COMT: variants seen among roughly 807,000 people sequenced by gnomAD.
The protein encoded by COMT is catechol-O-methyltransferase, also known as catechol O-methyltransferase.
Under a neutral mutation model 18.9 loss-of-function variants are expected in COMT, and 13 were observed. The ratio of observed to expected loss-of-function variants is 0.69; its 90% CI spans 0.45 to 1.09. COMT has a LOEUF of 1.09. Ranked by LOEUF, COMT falls within the 50% of genes least tolerant of loss-of-function variation. The pLI is 0.00. For synonymous variants in COMT, 150 were observed against 160.9 expected (o/e 0.93, Z 0.51); for missense variants, 329 against 361.8 (o/e 0.91, Z 0.73).
rs1942589502 is a variant in COMT, at chr22:19,968,916, T to C, written c.*180T>C. On this transcript the variant is annotated 3_prime_UTR_variant, in exon 6 of 6. Transcript: ENST00000361682. ...ACTGCAACACTGGATTGTTCTTTTT[T>C]AAGACTCAATCATGACTTCTTTACT... The C allele has an allele frequency of 3.3e-6, 2 of 614,228 alleles. No individual in the cohort carries two copies. Among genetic ancestry groups the C allele is most frequent in the Non-Finnish European group, 5.8e-6 (2 of 342,860 alleles). 38.0% of individuals were successfully genotyped at this position (614,228 alleles called of 1,614,324 possible).
intron 1 of COMT, among the ~76,000 whole-genome samples, chr22:19,956,726 G>A (rs1601519758): frequency 6.6e-6 from 1 of 151,808 alleles, no homozygotes; most frequent in South Asian, 2.1e-4. Flanking sequence ...TAGAAACCAG[G>A]TCATATAATT....
chr22:19,966,427 G>A (rs1320035217), intron 5 of COMT, among the ~76,000 whole-genome samples: 1 of 129,198 alleles, frequency 7.7e-6, no homozygotes, highest in African/African-American at 3.1e-5. Flanking sequence ...AGAGGAATGA[G>A]TTCCCCCTTA....
At position 19,964,163 on chromosome 22, in the gene COMT, T is replaced by C. The variant is rs1199776251; in HGVS notation, c.484-5T>C. 2 of 1,613,888 alleles carry C rather than the reference T, an allele frequency of 1.2e-6. No individual in the cohort carries two copies. The highest frequency in any genetic ancestry group is 1.3e-5 in the African/African-American group (1 of 74,924). Reference sequence around the variant, plus strand: ...GGACGTGGGCACTGACAGGCGCTGTTCCAGGTCACCCTTGTGGTTGGAGCG... The same window carrying C: ...GGACGTGGGCACTGACAGGCGCTGTCCCAGGTCACCCTTGTGGTTGGAGCG... On this transcript the variant is annotated splice_region_variant and splice_polypyrimidine_tract_variant and intron_variant, in intron 4 of 5. Coordinates refer to ENST00000361682, the MANE Select transcript of COMT (RefSeq NM_000754.4).
In COMT at chr22:19,947,212, G is replaced by A. The variant is rs142882318; in HGVS notation, c.-92+5315G>A. 3.7e-3 allele frequency among the ~76,000 whole-genome samples: 568 copies of A among 152,110 alleles called. 2 individuals carry two copies. The highest frequency in any genetic ancestry group is 0.012 in the African/African-American group (483 of 41,464). The stretch of plus-strand genomic sequence containing the variant: ...ATTACAGGCGTGAGTCACCGCGTCC[G>A]GCCCTAAATAACATTTTTTATTTGA... On this transcript the variant is annotated intron_variant, in intron 1 of 5. Coordinates refer to ENST00000361682, the MANE Select transcript of COMT (RefSeq NM_000754.4).
At position 19,941,918 on chromosome 22, in the gene COMT, G is replaced by C. The variant is rs567952010; in HGVS notation, c.-92+21G>C. On this transcript the variant is annotated intron_variant, in intron 1 of 5. Transcript: ENST00000361682. ...GAGAGGTGAGAGCGCTGGCTAGACC[G>C]GGGCCGAATGCGGCCGGATTCGGGG... 232 of 1,121,868 alleles carry C rather than the reference G, an allele frequency of 2.1e-4. 2 individuals are homozygous for C. Among genetic ancestry groups the C allele is most frequent in the South Asian group, 1.7e-3 (79 of 46,346 alleles). 69.5% of individuals were successfully genotyped at this position (1,121,868 alleles called of 1,614,324 possible).
chr22:19,955,567 G>A (rs1942040084), intron 1 of COMT, among the ~76,000 whole-genome samples: 1 of 152,258 alleles, frequency 6.6e-6, no homozygotes, highest in Non-Finnish European at 1.5e-5. Flanking sequence ...CAGCCCCCGT[G>A]GGGGACCTGT....
At position 19,968,522 on chromosome 22, in the gene COMT, C is replaced by CCG; in HGVS notation, c.616-14_616-13insCG. ...TCTGACCCTCACCTCCCCCACCCCC[C>CCG]GGTCTGTTTGCAGGAATGTGGCCTG... On this transcript the variant is annotated splice_polypyrimidine_tract_variant and intron_variant, in intron 5 of 5. Transcript: ENST00000361682. 6.2e-7 allele frequency: 1 copy of CCG among 1,612,606 alleles called. No individual in the cohort carries two copies. Among genetic ancestry groups the CCG allele is most frequent in the South Asian group, 1.1e-5 (1 of 90,798 alleles).
At chr22:19,946,105 T>G (rs933876593) in intron 1 of COMT, among the ~76,000 whole-genome samples, 3 of 152,180 alleles carry the variant, frequency 2.0e-5, no homozygotes, top group Non-Finnish European at 2.9e-5. Context: ...TTGTTCTGCT[T>G]GATCTTGGGC....
At chr22:19,952,471 C>G (rs1266293965) in intron 1 of COMT, among the ~76,000 whole-genome samples, 1 of 151,924 alleles carries the variant, frequency 6.6e-6, no homozygotes, top group Admixed American at 6.6e-5. Context: ...AACCCCGTCT[C>G]TACCAAAAAC....
Position 19,968,661 on chromosome 22 carries a change from C to A in COMT, c.741C>A (p.Phe247Leu), listed in dbSNP as rs546326145. ...TTGAGTGCACACACTACCAATCGTT[C>A]CTGGAATACAGGGAGGTGGTGGACG... ...SCFECTHYQS[F>L]LEYREVVDGL... The change falls in exon 6 of 6, where the codon TTC becomes TTA. Residue 247 changes from phenylalanine to leucine, a missense_variant. Phe to Leu is a conservative substitution (Grantham distance 22). Coordinates refer to ENST00000361682, the MANE Select transcript of COMT (RefSeq NM_000754.4). The A allele has an allele frequency of 3.1e-6, 5 of 1,614,076 alleles. No homozygotes were observed. The highest frequency in any genetic ancestry group is 4.2e-6 in the Non-Finnish European group (5 of 1,180,012).
chr22:19,962,381 C>A, intron 2 of COMT, 146 bp from the exon 3 acceptor site: 1 of 1,418,446 alleles, frequency 7.0e-7, no homozygotes, highest in Non-Finnish European at 9.5e-7. Context: ...GCTGACACGT[C>A]AGGCAACTGA....
chr22:19,958,908 A>G (rs1030305297), intron 1 of COMT, among the ~76,000 whole-genome samples: 2 of 151,982 alleles, frequency 1.3e-5, no homozygotes, highest in African/African-American at 4.8e-5. Context: ...ACAAAAAAAA[A>G]GCACATTTCA....
At chr22:19,953,148 C>T (rs1029020190) in intron 1 of COMT, among the ~76,000 whole-genome samples, 4 of 152,038 alleles carry the variant, frequency 2.6e-5, no homozygotes, top group African/African-American at 9.7e-5. Flanking sequence ...CGGTGGGCCT[C>T]AGGACTCATG....
intron 1 of COMT, among the ~76,000 whole-genome samples, chr22:19,957,497 G>A (rs886751201): frequency 3.6e-4 from 55 of 152,348 alleles, no homozygotes; most frequent in Admixed American, 3.1e-3. Flanking sequence ...GGTGACAGAG[G>A]TGATGGACTC....
At chr22:19,950,930 T>G (rs1456395257) in intron 1 of COMT, 1 of 152,170 alleles carries the variant, frequency 6.6e-6, no homozygotes, top group African/African-American at 2.4e-5. Context: ...AGGGCTCCAG[T>G]AAGACGCTCC....
intron 1 of COMT, among the ~76,000 whole-genome samples, chr22:19,952,953 AAAATAAATAAATAAATAAAT>A (rs368190455): frequency 0.017 from 2,354 of 139,690 alleles, 71 homozygotes; most frequent in African/African-American, 0.057. Context: ...CCCGTCTCAA[AAAATAAATAAATAAATAAAT>A]AAATAAATAA....
chr22:19,960,808 G>A (rs1345193202), intron 1 of COMT, among the ~76,000 whole-genome samples: 2 of 152,242 alleles, frequency 1.3e-5, no homozygotes. Flanking sequence ...TATGTTCTTG[G>A]TAAACTAGCC....
chr22:19,964,529 G>A, intron 5 of COMT: 1 of 679,362 alleles, frequency 1.5e-6, no homozygotes, highest in Non-Finnish European at 2.6e-6. Context: ...GTTGGGAACT[G>A]GGGAGCCAGC....
rs752902717 is a variant in COMT at position 19,964,157 on chromosome 22, C to A, written c.484-11C>A. ...CTGTGAGGACGTGGGCACTGACAGG[C>A]GCTGTTCCAGGTCACCCTTGTGGTT... On this transcript the variant is annotated splice_polypyrimidine_tract_variant and intron_variant, in intron 4 of 5. Transcript: ENST00000361682. The A allele has an allele frequency of 1.9e-6, 3 of 1,614,042 alleles. No homozygotes were observed. The highest frequency in any genetic ancestry group is 1.7e-6 in the Non-Finnish European group (2 of 1,180,030).
Sources: allele counts gnomAD v4.1 joint callset (sites outside exome capture counted in the v4.1 genomes callset), GRCh38; gene constraint gnomAD v4.1.1; transcripts MANE v1.5; gene names NCBI Gene and HGNC (gene_info 2026-07-23, HGNC 2026-07-21).